Variants in PRIM2 observed in about 807,000 individuals in gnomAD.
PRIM2 encodes DNA primase subunit 2, also known as DNA primase large subunit.
In PRIM2, 39 loss-of-function variants were observed where a neutral mutation model predicts 67.3. The ratio of observed to expected loss-of-function variants is 0.58; its 90% CI spans 0.45 to 0.76. PRIM2 has a LOEUF of 0.76. PRIM2 is among the 30% of genes least tolerant of loss of function. The pLI is 0.00. For missense variants in PRIM2, 398 were observed against 598.7 expected, an observed-to-expected ratio of 0.66 and a Z score of 3.50; for synonymous variants, 143 against 198.7, an observed-to-expected ratio of 0.72 and a Z score of 2.36.
intron 13 of PRIM2, among the ~76,000 whole-genome samples, chr6:57,640,042 C>G (rs2127501409): frequency 6.6e-6 from 1 of 152,306 alleles, no homozygotes; most frequent in African/African-American, 2.4e-5. Flanking sequence ...CTACCATGAT[C>G]AAGTCAGCTT....
chr6:57,278,031 AG>A, the PRIM2 span, among the ~76,000 whole-genome samples: 1 of 151,068 alleles, frequency 6.6e-6, no homozygotes, highest in East Asian at 2.0e-4. Flanking sequence ...AAACAAAAAA[AG>A]ATTCTGTGTT....
intron 7 of PRIM2, among the ~76,000 whole-genome samples, chr6:57,490,790 A>T (rs1364940235): frequency 6.6e-6 from 1 of 152,188 alleles, no homozygotes; most frequent in Non-Finnish European, 1.5e-5. Context: ...ATTTTTGAAG[A>T]GACATCTCAC....
At chr6:57,311,278 C>CAA (rs1767383278), upstream of PRIM2, among the ~76,000 whole-genome samples, 2 of 113,150 alleles carry the variant, frequency 1.8e-5, no homozygotes, top group African/African-American at 3.2e-5. Context: ...ACTTCCCAGA[C>CAA]GGGGCGGCCG....
At chr6:57,477,111 C>T (rs1319069705) in intron 7 of PRIM2, among the ~76,000 whole-genome samples, 2 of 152,168 alleles carry the variant, frequency 1.3e-5, no homozygotes, top group Non-Finnish European at 2.9e-5. Context: ...CCACTGCAGC[C>T]TCCTGAATAG....
chr6:57,311,610 C>T (rs1581780327), upstream of PRIM2, among the ~76,000 whole-genome samples: 1 of 152,296 alleles, frequency 6.6e-6, no homozygotes, highest in East Asian at 1.9e-4. Context: ...AGACGCTGCT[C>T]ACTTCCTAGA....
chr6:57,241,475 T>C, the PRIM2 span, among the ~76,000 whole-genome samples: 1 of 149,274 alleles, frequency 6.7e-6, no homozygotes, highest in Non-Finnish European at 1.5e-5. Context: ...TGTGTAAAAC[T>C]GAAAACTTTT....
chr6:57,373,142 A>G (rs1342665722), intron 5 of PRIM2, among the ~76,000 whole-genome samples: 1 of 151,972 alleles, frequency 6.6e-6, no homozygotes, highest in Non-Finnish European at 1.5e-5. Context: ...TTGACTTTTT[A>G]GTAGTAGCCA....
chr6:57,225,065 T>C, the PRIM2 span, among the ~76,000 whole-genome samples: 1 of 152,170 alleles, frequency 6.6e-6, no homozygotes, highest in South Asian at 2.1e-4. Context: ...CGGCCACAAT[T>C]TACCACCTTC....
At chr6:57,414,310 G>A (rs1321095632) in intron 7 of PRIM2, among the ~76,000 whole-genome samples, 1 of 152,098 alleles carries the variant, frequency 6.6e-6, no homozygotes, top group African/African-American at 2.4e-5. Flanking sequence ...ATCCATCTTG[G>A]TATCCCTAAT....
At chr6:57,255,163 C>T in the PRIM2 span, among the ~76,000 whole-genome samples, 1 of 152,084 alleles carries the variant, frequency 6.6e-6, no homozygotes, top group Non-Finnish European at 1.5e-5. Context: ...GGCTTCTAGG[C>T]CTTCTCCATA....
chr6:57,298,676 C>T, the PRIM2 span, among the ~76,000 whole-genome samples: 2 of 152,024 alleles, frequency 1.3e-5, no homozygotes, highest in African/African-American at 2.4e-5. Context: ...GGATTTTCTT[C>T]CTTTAAATAA....
chr6:57,335,854 A>C (rs1055159905), intron 5 of PRIM2, among the ~76,000 whole-genome samples: 6 of 152,248 alleles, frequency 3.9e-5, no homozygotes, highest in Admixed American at 1.3e-4. Flanking sequence ...ACAAAGCTGG[A>C]CGGAGAATGA....
the PRIM2 span, among the ~76,000 whole-genome samples, chr6:57,232,350 A>T: frequency 6.6e-6 from 1 of 152,182 alleles, no homozygotes; most frequent in African/African-American, 2.4e-5. Context: ...CAGGAGTTCG[A>T]GACCAGCCTG....
intron 5 of PRIM2, among the ~76,000 whole-genome samples, chr6:57,379,646 G>A (rs1769886006): frequency 6.6e-6 from 1 of 151,876 alleles, no homozygotes; most frequent in African/African-American, 2.4e-5. Flanking sequence ...CTCTTTGTCT[G>A]CTACTGTTCT....
chr6:57,335,282 G>A (rs1768193203), intron 5 of PRIM2, among the ~76,000 whole-genome samples: 1 of 152,404 alleles, frequency 6.6e-6, no homozygotes, highest in African/African-American at 2.4e-5. Context: ...GCGAGGCTGG[G>A]GGAGGGGCGC....
intron 10 of PRIM2, among the ~76,000 whole-genome samples, chr6:57,562,266 A>G (rs1775647768): frequency 2.0e-5 from 3 of 152,232 alleles, no homozygotes; most frequent in Non-Finnish European, 4.4e-5. Context: ...ACACGAAGTG[A>G]GCATATCCTG....
In PRIM2 at chr6:57,619,978, T is replaced by C. The variant is rs1428743325; in HGVS notation, c.1231-12155T>C. ...TTGGGAGGCTGAGGCAGATGGATCA[T>C]GAGGTCAGGAGATCGAGACCGTCCT... On this transcript the variant is annotated intron_variant, in intron 12 of 13. Coordinates refer to ENST00000615550, the MANE Select transcript of PRIM2 (RefSeq NM_000947.5). Among the ~76,000 whole-genome samples the C allele has an allele frequency of 4.6e-5, 7 of 152,158 alleles. No individual in the cohort carries two copies. In the South Asian group the frequency reaches 6.2e-4, roughly 14 times the overall value.
chr6:57,433,916 T>A (rs1035361709), intron 7 of PRIM2, among the ~76,000 whole-genome samples: 3 of 142,078 alleles, frequency 2.1e-5, no homozygotes, highest in Non-Finnish European at 4.6e-5. Flanking sequence ...GCAACTTCTC[T>A]GTTCCCTGTT....
chr6:57,579,894 A>G (rs1776049768), intron 10 of PRIM2, among the ~76,000 whole-genome samples: 3 of 152,176 alleles, frequency 2.0e-5, no homozygotes, highest in Non-Finnish European at 4.4e-5. Context: ...AAGTATTAAA[A>G]TGGACAAAGT....
Sources: gnomAD v4.1 joint callset for allele counts (sites outside exome capture counted in the v4.1 genomes callset) on GRCh38, gnomAD v4.1.1 for gene constraint, MANE v1.5 for transcripts, NCBI Gene and HGNC (gene_info 2026-07-23, HGNC 2026-07-21) for gene names.